EYS: variants seen among roughly 807,000 people sequenced by gnomAD.
The protein encoded by EYS is protein eyes shut homolog.
In EYS, 250 loss-of-function variants were observed where a neutral mutation model predicts 282.1. The observed-to-expected ratio is 0.89, with a 90% confidence interval of 0.80 to 0.98. The LOEUF is 0.98. Ranked by LOEUF, EYS falls within the 50% of genes least tolerant of loss-of-function variation. EYS has a pLI of 0.00. For missense variants in EYS, 4,016 were observed against 3,709.0 expected, an observed-to-expected ratio of 1.08 and a Z score of -2.15; for synonymous variants, 1,355 against 1,282.9, an observed-to-expected ratio of 1.06 and a Z score of -1.20.
chr6:65,495,615 C>G lies in EYS; in HGVS notation c.-197-8G>C. On this transcript the variant is annotated splice_polypyrimidine_tract_variant and splice_region_variant and intron_variant, in intron 3 of 42. Transcript: ENST00000503581. ...CAAATGTTGTAAATATTCCTTTAAACAGAAAAAAACATATATTGTTAGTGA... is the reference window on the plus strand; with the variant it reads ...CAAATGTTGTAAATATTCCTTTAAAGAGAAAAAAACATATATTGTTAGTGA... 1 of 606,078 alleles carries G rather than the reference C, an allele frequency of 1.6e-6. No individual in the cohort carries two copies. The highest frequency in any genetic ancestry group is 2.9e-6 in the Non-Finnish European group (1 of 344,770). The allele number at this position is 606,078 out of a possible 1,614,324, so 37.5% of individuals were successfully genotyped here.
intron 26 of EYS, among the ~76,000 whole-genome samples, chr6:64,549,723 C>G (rs1765004477): frequency 7.1e-6 from 1 of 140,252 alleles, no homozygotes; most frequent in Non-Finnish European, 1.5e-5. Context: ...CTTCCTACAG[C>G]ACATGAAATC....
Position 64,148,083 on chromosome 6 carries a change from T to A in EYS, c.6425-66081A>T, listed in dbSNP as rs559260983. Among the ~76,000 whole-genome samples the A allele has an allele frequency of 9.9e-5, 15 of 152,284 alleles. 1 individual carries two copies. Among genetic ancestry groups the A allele is most frequent in the Admixed American group, 5.2e-4 (8 of 15,268 alleles). On this transcript the variant is annotated intron_variant, in intron 31 of 42. Transcript: ENST00000503581. Reference sequence around the variant, plus strand: ...TCTTGCTTATGAATTTTTTTGTTTATCATATTTTTGGTATAAAAGTAATTT... The same window carrying A: ...TCTTGCTTATGAATTTTTTTGTTTAACATATTTTTGGTATAAAAGTAATTT...
At chr6:63,851,739 C>T (rs201006438) in intron 36 of EYS, among the ~76,000 whole-genome samples, 17 of 152,220 alleles carry the variant, frequency 1.1e-4, no homozygotes, top group East Asian at 3.9e-4. Context: ...AAAACTGACA[C>T]CCAACATCAC....
intron 19 of EYS, among the ~76,000 whole-genome samples, chr6:64,860,191 C>A (rs1324258268): frequency 1.3e-5 from 2 of 152,194 alleles, no homozygotes; most frequent in Non-Finnish European, 2.9e-5. Context: ...TATGTATTTA[C>A]ACTAATCCAA....
chr6:64,314,763 C>T (rs1769871907), intron 29 of EYS, among the ~76,000 whole-genome samples: 1 of 152,148 alleles, frequency 6.6e-6, no homozygotes, highest in African/African-American at 2.4e-5. Context: ...CTCTGGGACA[C>T]ATTTAAAGCA....
At chr6:65,151,780 T>C (rs1350227074) in intron 12 of EYS, among the ~76,000 whole-genome samples, 1 of 151,982 alleles carries the variant, frequency 6.6e-6, no homozygotes, top group African/African-American at 2.4e-5. Context: ...ATTTTTCTTA[T>C]TTAAAATATT....
chr6:64,218,529 C>A (rs566112605), intron 31 of EYS, among the ~76,000 whole-genome samples: 7 of 152,286 alleles, frequency 4.6e-5, no homozygotes, highest in Non-Finnish European at 7.4e-5. Context: ...TTTTTCATTT[C>A]TCTGGCTCTA....
intron 12 of EYS, among the ~76,000 whole-genome samples, chr6:65,203,382 G>A (rs956135125): frequency 2.6e-5 from 4 of 152,054 alleles, no homozygotes; most frequent in African/African-American, 7.2e-5. Context: ...AGGAGACAGT[G>A]AGCCTGACCA....
intron 19 of EYS, among the ~76,000 whole-genome samples, chr6:64,877,944 T>G (rs1241700321): frequency 1.3e-5 from 2 of 152,050 alleles, no homozygotes; most frequent in African/African-American, 4.8e-5. Context: ...TCCTTAACAA[T>G]AAATGAGGCT....
chr6:65,643,778 C>T (rs976423989), intron 1 of EYS, among the ~76,000 whole-genome samples: 1 of 152,070 alleles, frequency 6.6e-6, no homozygotes, highest in Non-Finnish European at 1.5e-5. Flanking sequence ...CAGCCCAGAG[C>T]TCAGTACCTC....
chr6:64,613,964 C>A (rs1366634663), intron 24 of EYS, among the ~76,000 whole-genome samples: 1 of 152,050 alleles, frequency 6.6e-6, no homozygotes, highest in Non-Finnish European at 1.5e-5. Context: ...CAACTCCAGC[C>A]CTGTGTAGAT....
At chr6:65,098,747 A>G (rs1325235337) in intron 12 of EYS, among the ~76,000 whole-genome samples, 1 of 150,806 alleles carries the variant, frequency 6.6e-6, no homozygotes, top group Non-Finnish European at 1.5e-5. Context: ...AATTTCATCC[A>G]TATCATTTCA....
intron 12 of EYS, among the ~76,000 whole-genome samples, chr6:65,283,613 G>A (rs1768282257): frequency 6.6e-6 from 1 of 151,446 alleles, no homozygotes; most frequent in Admixed American, 6.6e-5. Flanking sequence ...TATGCCAATA[G>A]TAAAATAGAG....
rs185148839 is a variant in EYS, at chr6:65,683,383, G to A, written c.-448+23752C>T. On this transcript the variant is annotated intron_variant, in intron 1 of 42. Transcript: ENST00000503581. The stretch of plus-strand genomic sequence containing the variant: ...GCAATGAAAAACTATCCTGCCTTTT[G>A]TTTCAGTGGTGTTGAGTTCAATCTT... Among the ~76,000 whole-genome samples, 3 of 151,096 alleles carry A rather than the reference G, an allele frequency of 2.0e-5. No homozygotes were observed. The East Asian group carries it at 5.9e-4, about 30-fold the overall frequency.
intron 2 of EYS, among the ~76,000 whole-genome samples, chr6:65,544,017 T>TAC (rs1554208985): frequency 7.4e-6 from 1 of 135,618 alleles, no homozygotes; most frequent in African/African-American, 3.4e-5. Flanking sequence ...TGTGTGTGTG[T>TAC]GTGTGTGTGT....
At chr6:64,156,022 A>ATGTGTGTG (rs140713143) in intron 31 of EYS, among the ~76,000 whole-genome samples, 1 of 146,884 alleles carries the variant, frequency 6.8e-6, no homozygotes, top group Non-Finnish European at 1.5e-5. Context: ...GTGTATGTTT[A>ATGTGTGTG]TGTGTGTGTG....
At chr6:65,069,052 C>T (rs1773832244) in intron 12 of EYS, among the ~76,000 whole-genome samples, 1 of 151,968 alleles carries the variant, frequency 6.6e-6, no homozygotes, top group South Asian at 2.1e-4. Context: ...TTCATGTTTA[C>T]ACACATTTTC....
intron 22 of EYS, among the ~76,000 whole-genome samples, chr6:64,647,408 C>T (rs1253833574): frequency 6.6e-6 from 1 of 152,092 alleles, no homozygotes; most frequent in Non-Finnish European, 1.5e-5. Context: ...TTAAACTCTA[C>T]AAGATAAAAT....
At chr6:64,486,624 G>C (rs765092024) in intron 26 of EYS, among the ~76,000 whole-genome samples, 1 of 151,388 alleles carries the variant, frequency 6.6e-6, no homozygotes, top group Non-Finnish European at 1.5e-5. Context: ...ACTTCAATTA[G>C]AAGCTATCCC....
Sources: gnomAD v4.1 joint callset for allele counts (sites outside exome capture counted in the v4.1 genomes callset) on GRCh38, gnomAD v4.1.1 for gene constraint, MANE v1.5 for transcripts, NCBI Gene and HGNC (gene_info 2026-07-23, HGNC 2026-07-21) for gene names.